Variants in OPCML observed in about 807,000 individuals in gnomAD.
OPCML encodes the protein opioid-binding protein/cell adhesion molecule.
OPCML carries 13 observed loss-of-function variants against 37.8 expected under a neutral mutation model. The observed-to-expected ratio is 0.34, with a 90% CI of 0.22 to 0.55. OPCML has a LOEUF of 0.55. Ranked by LOEUF, OPCML falls within the 20% of genes least tolerant of loss-of-function variation. OPCML has a pLI of 0.91. For synonymous variants in OPCML, 176 were observed against 168.8 expected (o/e 1.04, Z -0.33); for missense variants, 341 against 435.6 (o/e 0.78, Z 1.93).
At chr11:133,500,496 T>C (rs2120532543) in intron 1 of OPCML, among the ~76,000 whole-genome samples, 1 of 152,308 alleles carries the variant, frequency 6.6e-6, no homozygotes, top group South Asian at 2.1e-4. Context: ...TGGCACTGCG[T>C]ATATTTCTCG....
intron 2 of OPCML, among the ~76,000 whole-genome samples, chr11:132,852,999 C>T (rs1326110055): frequency 2.0e-5 from 3 of 151,736 alleles, no homozygotes; most frequent in Admixed American, 6.6e-5. Flanking sequence ...AAAAGTTTGC[C>T]GGCAGGAAAA....
At chr11:132,638,163 C>CTATATATATATATATATATATATATATAG (rs71905540) in intron 3 of OPCML, among the ~76,000 whole-genome samples, 2 of 128,190 alleles carry the variant, frequency 1.6e-5, no homozygotes, top group Non-Finnish European at 3.4e-5. Context: ...TATATACAGA[C>CTATATATATATATATATATATATATATAG]TATATATATA....
intron 3 of OPCML, among the ~76,000 whole-genome samples, chr11:132,650,294 C>T (rs1941362415): frequency 6.6e-6 from 1 of 152,106 alleles, no homozygotes; most frequent in Non-Finnish European, 1.5e-5. Flanking sequence ...ACTTTCACAC[C>T]AACCTAGTAA....
intron 3 of OPCML, among the ~76,000 whole-genome samples, chr11:132,612,026 C>CA (rs776775308): frequency 3.9e-5 from 6 of 152,006 alleles, no homozygotes; most frequent in Middle Eastern, 3.2e-3. Context: ...TATATGCTGC[C>CA]AGAAAATGGT....
At chr11:132,899,840 C>G (rs1051832169) in intron 2 of OPCML, among the ~76,000 whole-genome samples, 2 of 151,948 alleles carry the variant, frequency 1.3e-5, no homozygotes, top group Non-Finnish European at 2.9e-5. Context: ...TCCTGGAGCT[C>G]GGATACACTC....
chr11:132,897,674 C>T (rs1412579428), intron 2 of OPCML, among the ~76,000 whole-genome samples: 1 of 152,156 alleles, frequency 6.6e-6, no homozygotes, highest in Non-Finnish European at 1.5e-5. Flanking sequence ...CTGGAAGATC[C>T]TTTAATGACA....
chr11:133,389,752 T>C (rs1211283839), intron 1 of OPCML, among the ~76,000 whole-genome samples: 1 of 152,224 alleles, frequency 6.6e-6, no homozygotes, highest in Non-Finnish European at 1.5e-5. Flanking sequence ...TCTTCTGTGC[T>C]AGACTTCAGG....
At chr11:132,853,482 G>T (rs1459558105) in intron 2 of OPCML, among the ~76,000 whole-genome samples, 7 of 152,132 alleles carry the variant, frequency 4.6e-5, no homozygotes, top group Non-Finnish European at 7.4e-5. Context: ...TGCCATAAAA[G>T]TCACCCTTTT....
At chr11:132,462,149 G>A (rs1396195766) in intron 4 of OPCML, among the ~76,000 whole-genome samples, 3 of 152,144 alleles carry the variant, frequency 2.0e-5, no homozygotes, top group African/African-American at 7.2e-5. Flanking sequence ...AATAGAATAA[G>A]TAGCAGTACG....
intron 2 of OPCML, among the ~76,000 whole-genome samples, chr11:132,868,326 A>G (rs1020907481): frequency 3.1e-5 from 4 of 129,884 alleles, no homozygotes; most frequent in African/African-American, 1.1e-4. Flanking sequence ...TTTTTTTTAC[A>G]AAGGGGATAT....
In OPCML at chr11:132,762,843, C is replaced by T. The variant is rs189064055; in HGVS notation, c.147-105524G>A. Among the ~76,000 whole-genome samples the T allele has an allele frequency of 2.5e-4, 38 of 152,234 alleles. No homozygotes were observed. The East Asian group carries it at 4.3e-3, about 17-fold the overall frequency. Reference sequence around the variant, plus strand: ...TTAATGGTTCTGTCTCACTGGTGTTCCACGTGCCACTGAGGTACAAAAAAA... The same window carrying T: ...TTAATGGTTCTGTCTCACTGGTGTTTCACGTGCCACTGAGGTACAAAAAAA... On this transcript the variant is annotated intron_variant, in intron 2 of 7. Coordinates refer to ENST00000524381, the MANE Select transcript of OPCML (RefSeq NM_001012393.5).
At chr11:133,309,655 A>C (rs1943020421) in intron 1 of OPCML, among the ~76,000 whole-genome samples, 1 of 152,210 alleles carries the variant, frequency 6.6e-6, no homozygotes, top group African/African-American at 2.4e-5. Flanking sequence ...CTTAGTTTTG[A>C]TAATTATTCT....
chr11:133,454,274 T>C (rs1946633136), intron 1 of OPCML, among the ~76,000 whole-genome samples: 1 of 152,216 alleles, frequency 6.6e-6, no homozygotes, highest in South Asian at 2.1e-4. Flanking sequence ...TCTGAATTAC[T>C]AAAAATGTAG....
At chr11:132,979,740 C>T (rs1946543612) in intron 1 of OPCML, among the ~76,000 whole-genome samples, 1 of 152,190 alleles carries the variant, frequency 6.6e-6, no homozygotes, top group African/African-American at 2.4e-5. Flanking sequence ...ACTTGGTGGT[C>T]TTCAGAACGT....
chr11:132,751,521 G>A (rs983655205), intron 2 of OPCML, among the ~76,000 whole-genome samples: 1 of 152,238 alleles, frequency 6.6e-6, no homozygotes. Context: ...CATATGGTAA[G>A]AGTCTCCATT....
intron 1 of OPCML, among the ~76,000 whole-genome samples, chr11:133,101,197 A>T (rs1483923565): frequency 2.0e-5 from 3 of 152,196 alleles, no homozygotes; most frequent in Non-Finnish European, 4.4e-5. Flanking sequence ...TGCTAGGGTG[A>T]CAAGTGTGAG....
intron 4 of OPCML, among the ~76,000 whole-genome samples, chr11:132,445,943 G>A (rs1218154992): frequency 6.6e-6 from 1 of 152,038 alleles, no homozygotes; most frequent in Admixed American, 6.6e-5. Context: ...TATTGTAGGT[G>A]GGTCAGGAAA....
intron 1 of OPCML, among the ~76,000 whole-genome samples, chr11:133,138,101 T>C (rs80151175): frequency 0.032 from 4,837 of 152,268 alleles, 255 homozygotes; most frequent in African/African-American, 0.11. Context: ...AGATTAATGC[T>C]TTCTTGAAAG....
chr11:132,851,199 CTTTTCA>C (rs1339940128), intron 2 of OPCML, among the ~76,000 whole-genome samples: 3 of 152,330 alleles, frequency 2.0e-5, no homozygotes, highest in South Asian at 4.1e-4. Context: ...TTGAAATATC[CTTTTCA>C]CTCAACATTT....
Sources: gnomAD v4.1 joint callset for allele counts (sites outside exome capture counted in the v4.1 genomes callset) on GRCh38, gnomAD v4.1.1 for gene constraint, MANE v1.5 for transcripts, NCBI Gene and HGNC (gene_info 2026-07-23, HGNC 2026-07-21) for gene names.